The following TBXAS1 variants were observed in gnomAD, a reference collection of about 807,000 sequenced individuals.
TBXAS1 encodes thromboxane-A synthase.
A neutral mutation model predicts 60.7 loss-of-function variants in TBXAS1; 48 were observed. That is an observed-to-expected ratio of 0.79 (90% CI 0.63 to 1.01). The LOEUF (loss-of-function observed/expected upper bound fraction) is 1.01, where lower values mean the gene tolerates loss of function less well. TBXAS1 is among the 50% of genes least tolerant of loss of function. The pLI is 0.00. For synonymous variants in TBXAS1, 287 were observed against 269.7 expected, an observed-to-expected ratio of 1.06 and a Z score of -0.63; for missense variants, 685 against 686.3, an observed-to-expected ratio of 1.00 and a Z score of 0.02.
At chr7:140,016,098 G>A (rs2116460868) in intron 11 of TBXAS1, among the ~76,000 whole-genome samples, 1 of 152,266 alleles carries the variant, frequency 6.6e-6, no homozygotes, top group South Asian at 2.1e-4. Flanking sequence ...GGAGGCCAAG[G>A]TGGGCAGATC....
intron 9 of TBXAS1, among the ~76,000 whole-genome samples, chr7:139,970,489 C>A (rs1811121102): frequency 6.6e-6 from 1 of 152,258 alleles, no homozygotes; most frequent in Non-Finnish European, 1.5e-5. Context: ...GAGCCAGGTT[C>A]TGAACCATAC....
Position 139,834,976 on chromosome 7 carries a change from G to A in TBXAS1, c.89+5497G>A, listed in dbSNP as rs145296732. 3.7e-3 allele frequency among the ~76,000 whole-genome samples: 568 copies of A among 151,824 alleles called. 1 individual carries two copies. Among genetic ancestry groups the A allele is most frequent in the African/African-American group, 0.013 (540 of 41,404 alleles). On this transcript the variant is annotated intron_variant, in intron 1 of 12. Coordinates refer to ENST00000448866, the MANE Select transcript of TBXAS1 (RefSeq NM_001061.7). ...CTCCCTAACTCATTCTATGAAGCCA[G>A]TATCACCCCAATACCAAAACTAGGA...
chr7:139,818,063 T>C (rs910817823), intron 4 of TBXAS1, among the ~76,000 whole-genome samples: 2 of 152,208 alleles, frequency 1.3e-5, no homozygotes, highest in African/African-American at 4.8e-5. Context: ...TTGAACCAGA[T>C]ATAACTCTTC....
intron 3 of TBXAS1, among the ~76,000 whole-genome samples, chr7:139,894,208 AC>A (rs1374275570): frequency 6.6e-6 from 1 of 152,134 alleles, no homozygotes; most frequent in Non-Finnish European, 1.5e-5. Flanking sequence ...CCACCCACGC[AC>A]CACACCATTG....
intron 3 of TBXAS1, among the ~76,000 whole-genome samples, chr7:139,892,428 T>C (rs962075240): frequency 4.6e-5 from 7 of 151,882 alleles, no homozygotes; most frequent in African/African-American, 1.5e-4. Context: ...CCGTCTGTAC[T>C]AAAAAAATAC....
At chr7:139,780,570 C>T (rs890351022) in intron 1 of TBXAS1, among the ~76,000 whole-genome samples, 1 of 152,138 alleles carries the variant, frequency 6.6e-6, no homozygotes, top group South Asian at 2.1e-4. Context: ...ACTACAAACT[C>T]GATAAAAGGC....
At chr7:139,945,572 C>T (rs1458556335) in intron 5 of TBXAS1, among the ~76,000 whole-genome samples, 2 of 152,290 alleles carry the variant, frequency 1.3e-5, no homozygotes, top group East Asian at 1.9e-4. Flanking sequence ...ATGGGGTGTG[C>T]TATGCTCATT....
At chr7:139,840,540 A>G (rs1276776585) in intron 1 of TBXAS1, among the ~76,000 whole-genome samples, 1 of 152,186 alleles carries the variant, frequency 6.6e-6, no homozygotes, top group Non-Finnish European at 1.5e-5. Context: ...GTACTGCTGC[A>G]TATGGCCGTG....
In TBXAS1 at chr7:139,961,921, G is replaced by A. The variant is rs1425748318; in HGVS notation, c.822G>A (p.Arg274=). 6.2e-7 allele frequency: 1 copy of A among 1,614,224 alleles called. No individual in the cohort carries two copies. Among genetic ancestry groups the A allele is most frequent in the Admixed American group, 1.7e-5 (1 of 60,030 alleles). ...ATTTTTCTCCTTTTGTTCCTTAGAGGCGGAGAGACTTCCTCCAAATGGTCC... is the reference window on the plus strand; with the variant it reads ...ATTTTTCTCCTTTTGTTCCTTAGAGACGGAGAGACTTCCTCCAAATGGTCC... ...ALRDQQAAEE[R]RRDFLQMVLD... is the part of the protein sequence containing the mutation. The change falls in exon 9 of 13, where the codon AGG becomes AGA. Residue 274 remains arginine, a splice_region_variant and synonymous_variant. Coordinates refer to ENST00000448866, the MANE Select transcript of TBXAS1 (RefSeq NM_001061.7).
At chr7:139,921,485 G>A (rs758155920) in intron 4 of TBXAS1, among the ~76,000 whole-genome samples, 11 of 152,124 alleles carry the variant, frequency 7.2e-5, no homozygotes, top group Non-Finnish European at 1.5e-4. Flanking sequence ...GATTGCTTGA[G>A]CCCAGGAGTT....
intron 10 of TBXAS1, among the ~76,000 whole-genome samples, chr7:140,014,561 A>ATG (rs1380696745): frequency 2.6e-5 from 4 of 152,062 alleles, no homozygotes; most frequent in Admixed American, 1.3e-4. Flanking sequence ...GTGTGTGTGC[A>ATG]TGTGTGTGTG....
chr7:139,827,157 C>CCCTGTCTT (rs1209399561), upstream of TBXAS1, among the ~76,000 whole-genome samples: 8 of 152,218 alleles, frequency 5.3e-5, no homozygotes, highest in Admixed American at 2.6e-4. Context: ...TGTGTGCCCT[C>CCCTGTCTT]CCTGTCTTTT....
chr7:139,819,943 G>C (rs1798252404), intron 4 of TBXAS1, among the ~76,000 whole-genome samples: 1 of 151,878 alleles, frequency 6.6e-6, no homozygotes, highest in Non-Finnish European at 1.5e-5. Flanking sequence ...TATTGGGCCT[G>C]TGCCTGGGTC....
At chr7:139,806,320 T>C (rs1176526825) in intron 4 of TBXAS1, among the ~76,000 whole-genome samples, 1 of 151,882 alleles carries the variant, frequency 6.6e-6, no homozygotes, top group Non-Finnish European at 1.5e-5. Context: ...TGGAGTGCAG[T>C]GGCACAATCT....
At chr7:139,979,031 G>A (rs1445321207) in intron 9 of TBXAS1, among the ~76,000 whole-genome samples, 1 of 152,206 alleles carries the variant, frequency 6.6e-6, no homozygotes, top group Non-Finnish European at 1.5e-5. Flanking sequence ...AGAAACAGAG[G>A]CTGGATTTGA....
At chr7:139,860,578 G>A (rs1800890960) in intron 1 of TBXAS1, among the ~76,000 whole-genome samples, 1 of 152,192 alleles carries the variant, frequency 6.6e-6, no homozygotes, top group Non-Finnish European at 1.5e-5. Flanking sequence ...TAATCATGAG[G>A]TCCTTATAAA....
intron 4 of TBXAS1, among the ~76,000 whole-genome samples, chr7:139,819,785 G>A (rs955259438): frequency 1.3e-5 from 2 of 152,006 alleles, no homozygotes; most frequent in African/African-American, 4.8e-5. Flanking sequence ...TTGCAGGTAT[G>A]AGCCACCACT....
intron 4 of TBXAS1, among the ~76,000 whole-genome samples, chr7:139,799,434 T>C (rs1214646767): frequency 6.6e-6 from 1 of 152,150 alleles, no homozygotes; most frequent in Non-Finnish European, 1.5e-5. Flanking sequence ...TTTCAGCGTG[T>C]TGCCCAGGTT....
intron 2 of TBXAS1, among the ~76,000 whole-genome samples, chr7:139,782,001 G>A (rs1337160318): frequency 3.3e-5 from 5 of 151,666 alleles, no homozygotes; most frequent in Non-Finnish European, 7.4e-5. Flanking sequence ...AGAAGGATGG[G>A]GAGGGCTAAG....
Sources: allele counts gnomAD v4.1 joint callset (sites outside exome capture counted in the v4.1 genomes callset), GRCh38; gene constraint gnomAD v4.1.1; transcripts MANE v1.5; gene names NCBI Gene and HGNC (gene_info 2026-07-23, HGNC 2026-07-21).